The following NELL1 variants were observed in gnomAD, a reference collection of about 807,000 sequenced individuals.
NELL1 encodes protein kinase C-binding protein NELL1.
NELL1 carries 76 observed loss-of-function variants against 107.4 expected under a neutral mutation model. That is an observed-to-expected ratio of 0.71 (90% CI 0.59 to 0.86). NELL1 has a LOEUF of 0.86. Ranked by LOEUF, NELL1 falls within the 40% of genes least tolerant of loss-of-function variation. The pLI is 0.00. For missense variants in NELL1, 1,024 were observed against 1,005.5 expected, an observed-to-expected ratio of 1.02 and a Z score of -0.25; for synonymous variants, 353 against 341.2, an observed-to-expected ratio of 1.03 and a Z score of -0.38.
intron 14 of NELL1, among the ~76,000 whole-genome samples, chr11:21,302,808 C>G (rs1849522813): frequency 6.6e-6 from 1 of 151,724 alleles, no homozygotes; most frequent in Non-Finnish European, 1.5e-5. Context: ...GGAATTTCAG[C>G]ATTTTGGAAG....
chr11:21,240,067 A>G (rs1264600136), intron 14 of NELL1, among the ~76,000 whole-genome samples: 1 of 152,022 alleles, frequency 6.6e-6, no homozygotes, highest in Non-Finnish European at 1.5e-5. Context: ...GGCAAAAGCT[A>G]TTACTTGGGT....
intron 14 of NELL1, among the ~76,000 whole-genome samples, chr11:21,314,910 G>T (rs2133653853): frequency 6.6e-6 from 1 of 152,030 alleles, no homozygotes; most frequent in Non-Finnish European, 1.5e-5. Context: ...AGGCTGGAGT[G>T]CAGTGGCGCA....
chr11:21,386,683 C>G (rs1254828624), intron 15 of NELL1, among the ~76,000 whole-genome samples: 12 of 151,890 alleles, frequency 7.9e-5, no homozygotes, highest in Non-Finnish European at 1.5e-5. Context: ...CACTGAAGGG[C>G]AAGGCTGACA....
intron 14 of NELL1, among the ~76,000 whole-genome samples, chr11:21,300,864 TTTACA>T (rs1301546524): frequency 1.3e-5 from 2 of 152,068 alleles, no homozygotes; most frequent in East Asian, 3.9e-4. Context: ...TTAACTTGTC[TTTACA>T]TTAGGTATAT....
At chr11:20,906,226 C>A (rs1206597973) in intron 5 of NELL1, among the ~76,000 whole-genome samples, 1 of 151,984 alleles carries the variant, frequency 6.6e-6, no homozygotes, top group Non-Finnish European at 1.5e-5. Flanking sequence ...AATTAGATAA[C>A]CTAGATGAAA....
chr11:21,278,317 G>A (rs971204087), intron 14 of NELL1, among the ~76,000 whole-genome samples: 1 of 152,014 alleles, frequency 6.6e-6, no homozygotes, highest in African/African-American at 2.4e-5. Flanking sequence ...AAAATAAAAG[G>A]TGTAGTTACT....
At chr11:21,378,567 A>G (rs543078919) in intron 15 of NELL1, among the ~76,000 whole-genome samples, 3 of 151,856 alleles carry the variant, frequency 2.0e-5, no homozygotes, top group Non-Finnish European at 4.4e-5. Context: ...TGATTCTCCA[A>G]CTCCACCCAA....
intron 12 of NELL1, among the ~76,000 whole-genome samples, chr11:20,961,249 A>C (rs10833415): frequency 0.36 from 54,164 of 151,684 alleles, 10,146 homozygotes; most frequent in East Asian, 0.58. Context: ...CATTGCATAT[A>C]TCTATTACCT....
chr11:20,802,256 A>C (rs1008965369), intron 3 of NELL1, among the ~76,000 whole-genome samples: 1 of 152,070 alleles, frequency 6.6e-6, no homozygotes, highest in Non-Finnish European at 1.5e-5. Flanking sequence ...TGTCCTCTTC[A>C]CATTCTTTTA....
chr11:21,460,606 G>A (rs919596222), intron 15 of NELL1, among the ~76,000 whole-genome samples: 1 of 152,038 alleles, frequency 6.6e-6, no homozygotes, highest in Non-Finnish European at 1.5e-5. Flanking sequence ...TTATAAATGC[G>A]AGAGCATTGA....
intron 12 of NELL1, among the ~76,000 whole-genome samples, chr11:21,110,905 G>C (rs915897430): frequency 1.3e-5 from 2 of 152,148 alleles, no homozygotes; most frequent in African/African-American, 4.8e-5. Flanking sequence ...CACACGGCCT[G>C]CAAGGCCTGC....
At chr11:21,574,166 A>G (rs1185322257) in intron 19 of NELL1, among the ~76,000 whole-genome samples, 1 of 151,818 alleles carries the variant, frequency 6.6e-6, no homozygotes, top group Non-Finnish European at 1.5e-5. Flanking sequence ...TAAAACTAGG[A>G]GCCTACTTGG....
intron 2 of NELL1, among the ~76,000 whole-genome samples, chr11:20,742,070 G>T (rs1219082741): frequency 6.6e-6 from 1 of 152,202 alleles, no homozygotes; most frequent in African/African-American, 2.4e-5. Context: ...AAGGAGCATT[G>T]TTATTACTAG....
intron 14 of NELL1, among the ~76,000 whole-genome samples, chr11:21,258,973 G>A (rs1628540): frequency 0.36 from 54,212 of 151,618 alleles, 10,603 homozygotes; most frequent in Non-Finnish European, 0.45. Flanking sequence ...ATAGTCACAG[G>A]GTCAAATGTA....
At chr11:21,007,300 C>T (rs1013440826) in intron 12 of NELL1, among the ~76,000 whole-genome samples, 1 of 152,014 alleles carries the variant, frequency 6.6e-6, no homozygotes, top group African/African-American at 2.4e-5. Flanking sequence ...TTTTAGTGAT[C>T]TCTCCTCTGC....
chr11:21,431,830 G>A (rs749165127), intron 15 of NELL1, among the ~76,000 whole-genome samples: 1 of 152,068 alleles, frequency 6.6e-6, no homozygotes, highest in African/African-American at 2.4e-5. Context: ...TGTGCTGTTA[G>A]CTGTTTCTCA....
At chr11:21,343,831 A>C (rs1221152779) in intron 14 of NELL1, among the ~76,000 whole-genome samples, 1 of 152,042 alleles carries the variant, frequency 6.6e-6, no homozygotes, top group East Asian at 1.9e-4. Context: ...GGATCCTCTT[A>C]TCTTTCTTAG....
chr11:21,489,380 C>CAAAAAAAAAATAAAAAAAAAAAAAAAAAA (rs1854733021), intron 15 of NELL1, among the ~76,000 whole-genome samples: 1 of 47,800 alleles, frequency 2.1e-5, no homozygotes, highest in Admixed American at 3.8e-4. Flanking sequence ...GAAAGTATTT[C>CAAAAAAAAAATAAAAAAAAAAAAAAAAAA]AAAAAAAAAA....
At chr11:21,529,530 T>C (rs1031550761) in intron 15 of NELL1, among the ~76,000 whole-genome samples, 1 of 150,928 alleles carries the variant, frequency 6.6e-6, no homozygotes, top group Admixed American at 6.7e-5. Context: ...CTGATTTTAC[T>C]TCCTTAAACT....
Sources: gnomAD v4.1 joint callset for allele counts (sites outside exome capture counted in the v4.1 genomes callset) on GRCh38, gnomAD v4.1.1 for gene constraint, MANE v1.5 for transcripts, NCBI Gene and HGNC (gene_info 2026-07-23, HGNC 2026-07-21) for gene names.